Variants in AFF3 observed in about 807,000 individuals in gnomAD.
AFF3 encodes ALF transcription elongation factor 3.
In AFF3, 32 loss-of-function variants were observed where a neutral mutation model predicts 129.7. The observed-to-expected ratio is 0.25, with a 90% confidence interval of 0.19 to 0.33. The LOEUF is 0.33. Among genes scored for constraint, AFF3 ranks in the 10% least tolerant of loss-of-function variants. AFF3 has a pLI of 1.00. For missense variants in AFF3, 1,373 were observed against 1,592.0 expected (o/e 0.86, Z 2.34); for synonymous variants, 644 against 635.4 (o/e 1.01, Z -0.20).
At chr2:100,043,757 C>T (rs549316338) in intron 4 of AFF3, among the ~76,000 whole-genome samples, 1 of 152,306 alleles carries the variant, frequency 6.6e-6, no homozygotes, top group African/African-American at 2.4e-5. Context: ...TATTCATGTG[C>T]ATCCATTTTC....
intron 17 of AFF3, among the ~76,000 whole-genome samples, chr2:99,580,015 T>C (rs1677378332): frequency 6.6e-6 from 1 of 152,152 alleles, no homozygotes; most frequent in Non-Finnish European, 1.5e-5. Context: ...ATGTCAACAT[T>C]TTAAAATTGT....
At chr2:99,979,191 T>C (rs935094421) in intron 7 of AFF3, among the ~76,000 whole-genome samples, 4 of 152,070 alleles carry the variant, frequency 2.6e-5, no homozygotes, top group Admixed American at 6.6e-5. Context: ...GACCCTGCAG[T>C]GTGTTATATA....
rs750357779 is a variant in AFF3, at chr2:100,008,909, G to C, written c.77C>G (p.Ala26Gly). Residue 26 changes from alanine to glycine, a missense_variant, in exon 5 of 25, where the codon GCA becomes GGA. Ala to Gly is a moderately conservative substitution (Grantham distance 60). This residue lies in a region of AFF3 where 255 missense variants were observed against 256.0 expected (regional missense o/e 1.00). Coordinates refer to ENST00000672756, the MANE Select transcript of AFF3 (RefSeq NM_001386135.1). ...TCTTTCTCGTTCTTTCCTCCGTAAT[G>C]CATTTCTATCTGGTTCATAGACACT... ...SLCVYEPDRNALRRKERERRN... is the reference protein window; with the variant it reads ...SLCVYEPDRNGLRRKERERRN... 1 of 1,613,916 alleles carries C rather than the reference G, an allele frequency of 6.2e-7. No individual in the cohort carries two copies. Among genetic ancestry groups the C allele is most frequent in the Non-Finnish European group, 8.5e-7 (1 of 1,179,918 alleles).
intron 4 of AFF3, among the ~76,000 whole-genome samples, chr2:100,037,904 G>A (rs1289495887): frequency 6.8e-6 from 1 of 147,328 alleles, no homozygotes; most frequent in Non-Finnish European, 1.5e-5. Flanking sequence ...TCAGCGAGAA[G>A]GTCAAGGACA....
chr2:99,993,533 A>G (rs1401850473), intron 7 of AFF3, among the ~76,000 whole-genome samples: 1 of 151,928 alleles, frequency 6.6e-6, no homozygotes, highest in Non-Finnish European at 1.5e-5. Context: ...ACTAAAAACT[A>G]AAGATAAAAC....
chr2:99,571,274 T>C lies in AFF3; in HGVS notation c.2919-2359A>G, dbSNP rs1676451692. ...CCACATCATTATCTGTTCTATACTC[T>C]AGTATATAAGTTAGGTCATTTTTTT... On this transcript the variant is annotated intron_variant, in intron 18 of 24. Transcript: ENST00000672756. Among the ~76,000 whole-genome samples the C allele has an allele frequency of 2.6e-5, 4 of 152,316 alleles. No homozygotes were observed. In the South Asian group the frequency reaches 8.3e-4, roughly 32 times the overall value.
intron 15 of AFF3, among the ~76,000 whole-genome samples, chr2:99,591,598 A>G (rs1192590871): frequency 6.6e-6 from 1 of 152,238 alleles, no homozygotes; most frequent in African/African-American, 2.4e-5. Context: ...AGCAAGAAAT[A>G]TATTCATCGT....
intron 14 of AFF3, among the ~76,000 whole-genome samples, chr2:99,596,232 C>T (rs187154292): frequency 1.3e-5 from 2 of 152,284 alleles, no homozygotes; most frequent in Non-Finnish European, 2.9e-5. Flanking sequence ...TTTGGCTTCT[C>T]CAGAGAAAGG....
Position 99,802,677 on chromosome 2 carries a change from T to C in AFF3, c.921+34800A>G, listed in dbSNP as rs1034526991. 4.3e-5 allele frequency among the ~76,000 whole-genome samples: 6 copies of C among 140,060 alleles called. No individual in the cohort carries two copies. The Admixed American group carries it at 4.6e-4, about 11-fold the overall frequency. The allele number at this position is 140,060 out of a possible 152,430, so 91.9% of individuals were successfully genotyped here. A position where few individuals can be genotyped will look rare whatever the true frequency, so the allele number is the denominator to read the frequency against. On this transcript the variant is annotated intron_variant, in intron 8 of 24. Transcript: ENST00000672756. ...GACTCTGTCTCTAAAAAATAAAAAGTATTTTCCTAGGGTGTCTTTTTTTTT... is the reference window on the plus strand; with the variant it reads ...GACTCTGTCTCTAAAAAATAAAAAGCATTTTCCTAGGGTGTCTTTTTTTTT...
intron 11 of AFF3, among the ~76,000 whole-genome samples, chr2:99,701,167 T>C (rs1335903000): frequency 2.0e-5 from 3 of 152,058 alleles, no homozygotes; most frequent in Non-Finnish European, 4.4e-5. Context: ...CGTGGGTGTG[T>C]GCGCAAGGTG....
At chr2:100,067,744 C>A (rs567314936) in intron 4 of AFF3, among the ~76,000 whole-genome samples, 1 of 152,150 alleles carries the variant, frequency 6.6e-6, no homozygotes, top group South Asian at 2.1e-4. Flanking sequence ...TACTTATTAT[C>A]CCTATTTCAC....
chr2:99,708,513 C>A (rs1442503410), intron 11 of AFF3, among the ~76,000 whole-genome samples: 1 of 152,170 alleles, frequency 6.6e-6, no homozygotes, highest in Admixed American at 6.5e-5. Context: ...GGCGCAGTAA[C>A]AGAACAATGC....
intron 8 of AFF3, among the ~76,000 whole-genome samples, chr2:99,777,946 G>GC (rs1372381358): frequency 3.7e-5 from 1 of 27,182 alleles, no homozygotes; most frequent in East Asian, 8.8e-4. Flanking sequence ...AAAAGCAAAA[G>GC]CAAAAAAAAA....
intron 13 of AFF3, among the ~76,000 whole-genome samples, chr2:99,613,559 T>C (rs1258492567): frequency 1.4e-4 from 22 of 152,234 alleles, no homozygotes; most frequent in Admixed American, 1.4e-3. Flanking sequence ...ATTATATTAC[T>C]TCTTTTTAAA....
At chr2:99,890,030 C>A (rs58795996) in intron 7 of AFF3, among the ~76,000 whole-genome samples, 1 of 152,168 alleles carries the variant, frequency 6.6e-6, no homozygotes, top group Non-Finnish European at 1.5e-5. Flanking sequence ...TGCCCTTTTG[C>A]GTGTGCACAG....
In AFF3 at chr2:99,558,946, A is replaced by G. The variant is rs1021694599; in HGVS notation, c.3214T>C (p.Tyr1072His). The G allele has an allele frequency of 6.2e-7, 1 of 1,614,094 alleles. No homozygotes were observed. Among genetic ancestry groups the G allele is most frequent in the African/African-American group, 1.3e-5 (1 of 74,944 alleles). The change falls in exon 22 of 25, where the codon TAC (tyrosine) becomes CAC (histidine). Residue 1072 changes from tyrosine to histidine, a missense_variant. This residue lies in a region of AFF3 where 165 missense variants were observed against 234.0 expected (regional missense o/e 0.71). Transcript: ENST00000672756. The part of the protein sequence containing the change: ...ALCYRCLALL[Y>H]WRMFRLKRDH... ...CTTTTGAGTCGAAACATCCGCCAGT[A>G]CAGGAGGGCCAGGCATCGGTAACTG...
chr2:99,847,604 C>T (rs145109285), intron 7 of AFF3, among the ~76,000 whole-genome samples: 88 of 152,078 alleles, frequency 5.8e-4, no homozygotes, highest in Non-Finnish European at 8.2e-4. Context: ...AAACAAGGTG[C>T]GTGTCCCAGT....
intron 7 of AFF3, among the ~76,000 whole-genome samples, chr2:99,970,341 A>G (rs555918649): frequency 7.2e-5 from 11 of 152,074 alleles, no homozygotes; most frequent in Non-Finnish European, 5.9e-5. Flanking sequence ...ACAATCACAG[A>G]TCTTCTACAG....
At chr2:99,769,743 C>G (rs1172304515) in intron 8 of AFF3, among the ~76,000 whole-genome samples, 2 of 152,194 alleles carry the variant, frequency 1.3e-5, no homozygotes, top group African/African-American at 4.8e-5. Flanking sequence ...CATGCAGACT[C>G]ACAGAAGTAC....
Sources: gnomAD v4.1 joint callset for allele counts (sites outside exome capture counted in the v4.1 genomes callset) on GRCh38, gnomAD v4.1.1 for gene constraint, gnomAD v4.1.1 regional missense constraint, MANE v1.5 for transcripts, NCBI Gene and HGNC (gene_info 2026-07-23, HGNC 2026-07-21) for gene names.